ANK3: variants seen among roughly 807,000 people sequenced by gnomAD.
ANK3 encodes ankyrin-3.
ANK3 carries 57 observed loss-of-function variants against 370.9 expected under a neutral mutation model. That is an observed-to-expected ratio of 0.15 (90% confidence interval 0.12 to 0.19). ANK3 has a LOEUF of 0.19. ANK3 is among the 10% of genes least tolerant of loss of function. ANK3 has a pLI of 1.00. For synonymous variants in ANK3, 1,929 were observed against 1,946.3 expected (o/e 0.99, Z 0.23); for missense variants, 4,439 against 5,302.1 (o/e 0.84, Z 5.06).
At chr10:60,359,443 T>C (rs1453217295) in intron 1 of ANK3, among the ~76,000 whole-genome samples, 1 of 152,152 alleles carries the variant, frequency 6.6e-6, no homozygotes, top group South Asian at 2.1e-4. Context: ...GCTAATAACA[T>C]CTTTCCAATT....
intron 2 of ANK3, among the ~76,000 whole-genome samples, chr10:60,498,667 T>C (rs1013816646): frequency 6.6e-6 from 1 of 152,136 alleles, no homozygotes; most frequent in Admixed American, 6.6e-5. Flanking sequence ...CTGGGATTAC[T>C]GCCTTGATAA....
intron 5 of ANK3, among the ~76,000 whole-genome samples, chr10:60,264,647 G>A (rs74764765): frequency 0.016 from 2,331 of 147,256 alleles, 62 homozygotes; most frequent in African/African-American, 0.053. Flanking sequence ...AAAAAAAAAA[G>A]AAAAAAAAAA....
chr10:60,362,637 A>G (rs930579914), intron 1 of ANK3, among the ~76,000 whole-genome samples: 1 of 152,184 alleles, frequency 6.6e-6, no homozygotes, highest in Non-Finnish European at 1.5e-5. Flanking sequence ...ATGTCCAGGG[A>G]CAAGGATGGA....
At chr10:60,148,133 CA>C (rs1261425217) in intron 23 of ANK3, among the ~76,000 whole-genome samples, 1 of 151,634 alleles carries the variant, frequency 6.6e-6, no homozygotes, top group African/African-American at 2.4e-5. Context: ...TGTAGGTGGC[CA>C]AAAAAGAATC....
At chr10:60,167,475 A>G (rs1417959024) in intron 21 of ANK3, among the ~76,000 whole-genome samples, 1 of 152,202 alleles carries the variant, frequency 6.6e-6, no homozygotes, top group African/African-American at 2.4e-5. Flanking sequence ...AAATTTAAAG[A>G]ACAGTATATT....
At chr10:60,684,703 A>G in intron 1 of ANK3, 1 of 1,587,916 alleles carries the variant, frequency 6.3e-7, no homozygotes, top group South Asian at 1.1e-5. Context: ...GAGAAATTCT[A>G]AAACAGTCAC....
intron 2 of ANK3, among the ~76,000 whole-genome samples, chr10:60,434,548 A>G (rs2064110712): frequency 6.6e-6 from 1 of 152,240 alleles, no homozygotes; most frequent in Non-Finnish European, 1.5e-5. Flanking sequence ...TCAGAATTGT[A>G]TATAGAGAGC....
chr10:60,333,159 T>G (rs4612751), intron 1 of ANK3, among the ~76,000 whole-genome samples: 58,037 of 151,960 alleles, frequency 0.38, 11,922 homozygotes, highest in Middle Eastern at 0.52. Context: ...CATCTTTTTA[T>G]TATTATTATA....
Position 60,196,560 on chromosome 10 carries a change from T to C in ANK3, c.1755A>G (p.Leu585=), listed in dbSNP as rs2096588420. 1 of 1,612,964 alleles carries C rather than the reference T, an allele frequency of 6.2e-7. No individual in the cohort carries two copies. Among genetic ancestry groups the C allele is most frequent in the African/African-American group, 1.3e-5 (1 of 74,654 alleles). Residue 585 remains leucine (L), a synonymous_variant, in exon 15 of 44, where the codon CTA becomes CTG. Transcript: ENST00000280772. ...CAGCATCTGGAGATGCACTTTTCTG[T>C]AGCAGGAGATTGGCGACTTCAAGCT... ...YGKLEVANLL[L]QKSASPDAAG...
Position 60,395,609 on chromosome 10 carries a change from TC to T in ANK3, c.97-115971del, listed in dbSNP as rs1477090406. Among the ~76,000 whole-genome samples, 320 of 99,796 alleles carry T rather than the reference TC, an allele frequency of 3.2e-3. 3 individuals are homozygous for T. Among genetic ancestry groups the T allele is most frequent in the African/African-American group, 0.013 (293 of 21,780 alleles). The allele number at this position is 99,796 out of a possible 152,430, so 65.5% of individuals were successfully genotyped here. ...CTTTCTTTCTTTCTTTCTTTCTTTC[TC>T]TCTTTCGTTCTCTCTCTCTCTCTCT... On this transcript the variant is annotated intron_variant, in intron 2 of 43. Coordinates refer to the ANK3 transcript ENST00000373827.
At chr10:60,364,669 TACCCC>T (rs1198769140) in intron 1 of ANK3, among the ~76,000 whole-genome samples, 2 of 152,128 alleles carry the variant, frequency 1.3e-5, no homozygotes, top group Non-Finnish European at 2.9e-5. Flanking sequence ...TCTGCACATG[TACCCC>T]AGAACTTAAA....
chr10:60,566,241 A>T (rs965642428), intron 2 of ANK3, among the ~76,000 whole-genome samples: 1 of 152,070 alleles, frequency 6.6e-6, no homozygotes, highest in South Asian at 2.1e-4. Flanking sequence ...TTCTCTCTCC[A>T]TCTACCTGGG....
At chr10:60,464,257 GT>G (rs1370755987) in intron 2 of ANK3, among the ~76,000 whole-genome samples, 8 of 152,068 alleles carry the variant, frequency 5.3e-5, no homozygotes, top group African/African-American at 1.9e-4. Flanking sequence ...AAAATTATAT[GT>G]ATTAGATTAT....
intron 1 of ANK3, among the ~76,000 whole-genome samples, chr10:60,312,419 T>C (rs1264455848): frequency 6.6e-6 from 1 of 152,216 alleles, no homozygotes; most frequent in Admixed American, 6.5e-5. Context: ...TCCTTATTGA[T>C]GTGTTTACTG....
At chr10:60,261,339 C>A (rs536161829) in intron 7 of ANK3, among the ~76,000 whole-genome samples, 1 of 152,304 alleles carries the variant, frequency 6.6e-6, no homozygotes, top group South Asian at 2.1e-4. Flanking sequence ...TTCCTTTCTT[C>A]AATGGATATG....
Position 60,313,926 on chromosome 10 carries a change from T to C in ANK3, c.115-34287A>G, listed in dbSNP as rs368959754. Among the ~76,000 whole-genome samples, 771 of 139,998 alleles carry C rather than the reference T, an allele frequency of 5.5e-3. 2 individuals carry two copies. Among genetic ancestry groups the C allele is most frequent in the South Asian group, 0.014 (58 of 4,212 alleles). The allele number at this position is 139,998 out of a possible 152,430, so 91.8% of individuals were successfully genotyped here. A position where few individuals can be genotyped will look rare whatever the true frequency, so the allele number is the denominator to read the frequency against. ...CCTTGTCCCTGCCTCTGTTTTGTTTTTGTTTTTTTTTTTTTTGCTTACTGG... is the reference window on the plus strand; with the variant it reads ...CCTTGTCCCTGCCTCTGTTTTGTTTCTGTTTTTTTTTTTTTTGCTTACTGG... On this transcript the variant is annotated intron_variant, in intron 1 of 43. Transcript: ENST00000280772.
intron 2 of ANK3, among the ~76,000 whole-genome samples, chr10:60,595,646 T>C (rs2077978058): frequency 6.6e-6 from 1 of 152,018 alleles, no homozygotes; most frequent in Non-Finnish European, 1.5e-5. Context: ...CTGTGGCTAA[T>C]TTGTTAGTTT....
chr10:60,627,368 A>C (rs569158480), intron 1 of ANK3, among the ~76,000 whole-genome samples: 190 of 152,130 alleles, frequency 1.2e-3, no homozygotes, highest in African/African-American at 4.0e-3. Flanking sequence ...TACCATAACA[A>C]ATTCTACTTG....
rs754283528 is a variant in ANK3 at position 60,071,140 on chromosome 10, G to A, written c.9741C>T (p.Asn3247=). 7 of 1,614,130 alleles carry A rather than the reference G, an allele frequency of 4.3e-6. 1 individual carries two copies. The South Asian group carries it at 5.5e-5, about 13-fold the overall frequency. Residue 3247 remains asparagine, a synonymous_variant, in exon 37 of 44, where the codon AAC becomes AAT. Transcript: ENST00000280772. ...GGGGAAATTCAATATAGGCAACTCT[G>A]TTATTTTTGGGTCTTTGGTTAGAGT... ...SKDSNQRPKN[N]RVAYIEFPPP... is the part of the protein sequence containing the mutation.
Sources: gnomAD v4.1 joint callset for allele counts (sites outside exome capture counted in the v4.1 genomes callset) on GRCh38, gnomAD v4.1.1 for gene constraint, MANE v1.5 for transcripts, NCBI Gene and HGNC (gene_info 2026-07-23, HGNC 2026-07-21) for gene names.